Variants in STXBP5L observed in about 807,000 individuals in gnomAD.
STXBP5L encodes the protein syntaxin-binding protein 5-like.
Under a neutral mutation model 144.5 loss-of-function variants are expected in STXBP5L, and 65 were observed. The ratio of observed to expected loss-of-function variants is 0.45; its 90% CI spans 0.37 to 0.55. The LOEUF (loss-of-function observed/expected upper bound fraction) is 0.55, where lower values mean the gene tolerates loss of function less well. Among genes scored for constraint, STXBP5L ranks in the 20% least tolerant of loss-of-function variants. STXBP5L has a pLI of 0.00. For missense variants in STXBP5L, 1,298 were observed against 1,405.5 expected (o/e 0.92, Z 1.22); for synonymous variants, 505 against 469.6 (o/e 1.08, Z -0.97).
chr3:121,174,242 A>G (rs1005637471), intron 9 of STXBP5L, among the ~76,000 whole-genome samples: 1 of 152,160 alleles, frequency 6.6e-6, no homozygotes, highest in African/African-American at 2.4e-5. Flanking sequence ...ATTTGTGTAT[A>G]TAAGTTTTAA....
intron 9 of STXBP5L, among the ~76,000 whole-genome samples, chr3:121,202,922 T>G (rs933415912): frequency 6.6e-6 from 1 of 152,088 alleles, no homozygotes; most frequent in African/African-American, 2.4e-5. Flanking sequence ...AATGTTTTTT[T>G]CAAATTTAGG....
intron 5 of STXBP5L, among the ~76,000 whole-genome samples, chr3:121,088,453 A>G (rs2042606513): frequency 9.7e-6 from 1 of 102,898 alleles, no homozygotes; most frequent in Non-Finnish European, 1.9e-5. Context: ...CAGGTGCTGG[A>G]GAGGATGTGG....
chr3:121,391,104 C>T (rs2046572507), intron 22 of STXBP5L, among the ~76,000 whole-genome samples: 1 of 152,078 alleles, frequency 6.6e-6, no homozygotes, highest in South Asian at 2.1e-4. Flanking sequence ...CTTTCTCTAC[C>T]TTGTTTTCTC....
intron 5 of STXBP5L, among the ~76,000 whole-genome samples, chr3:121,093,016 G>T (rs184744454): frequency 4.0e-4 from 61 of 152,230 alleles, no homozygotes; most frequent in Middle Eastern, 3.4e-3. Context: ...CTTTTCTGCA[G>T]CTATTGAGAT....
At chr3:121,332,669 A>G (rs1159859491) in intron 20 of STXBP5L, among the ~76,000 whole-genome samples, 2 of 152,120 alleles carry the variant, frequency 1.3e-5, no homozygotes, top group Admixed American at 6.6e-5. Flanking sequence ...GAAGAAGAAG[A>G]AAAACCAAAA....
chr3:121,347,086 G>T (rs1344939914), intron 20 of STXBP5L, among the ~76,000 whole-genome samples: 2 of 152,126 alleles, frequency 1.3e-5, no homozygotes, highest in Non-Finnish European at 2.9e-5. Flanking sequence ...ATGGTTTTAG[G>T]TCTAACATTT....
chr3:120,909,998 A>C (rs1708747644), intron 2 of STXBP5L, among the ~76,000 whole-genome samples: 1 of 152,234 alleles, frequency 6.6e-6, no homozygotes, highest in Admixed American at 6.5e-5. Context: ...TAGAATTTGC[A>C]AGATAATGTT....
intron 9 of STXBP5L, among the ~76,000 whole-genome samples, chr3:121,192,827 C>T (rs190521373): frequency 6.9e-4 from 105 of 152,114 alleles, no homozygotes; most frequent in African/African-American, 1.6e-3. Flanking sequence ...TAATTCAAGA[C>T]GGATTAAAGA....
At chr3:121,253,158 C>T (rs1423893378) in intron 15 of STXBP5L, among the ~76,000 whole-genome samples, 1 of 151,892 alleles carries the variant, frequency 6.6e-6, no homozygotes, top group Non-Finnish European at 1.5e-5. Flanking sequence ...CCTATCTGAC[C>T]TCAGAAGCCA....
At position 121,270,555 on chromosome 3, in the gene STXBP5L, C is replaced by G. The variant is rs2050706094; in HGVS notation, c.1959-9250C>G. ...GCAACCTTCACCTCCTGGGTTCAGGCAATTCTCATGCCTCAGCCTCCTGAG... is the reference window on the plus strand; with the variant it reads ...GCAACCTTCACCTCCTGGGTTCAGGGAATTCTCATGCCTCAGCCTCCTGAG... On this transcript the variant is annotated intron_variant, in intron 18 of 26. Coordinates refer to ENST00000471454, the MANE Select transcript of STXBP5L (RefSeq NM_001308330.2). Among the ~76,000 whole-genome samples, 8 of 152,044 alleles carry G rather than the reference C, an allele frequency of 5.3e-5. No individual in the cohort carries two copies. In the South Asian group the frequency reaches 1.7e-3, roughly 32 times the overall value.
intron 13 of STXBP5L, 51 bp downstream of exon 13, chr3:121,239,169 A>T (rs2049583956): frequency 5.4e-6 from 6 of 1,104,234 alleles, no homozygotes; most frequent in Non-Finnish European, 7.6e-6. Context: ...TCACATGATC[A>T]TACTTTTTTC....
intron 19 of STXBP5L, among the ~76,000 whole-genome samples, chr3:121,314,584 GGAGGGA>G (rs201065950): frequency 0.8 from 102,765 of 129,178 alleles, 41,467 homozygotes; most frequent in Middle Eastern, 0.86. Context: ...GGGAGACCGT[GGAGGGA>G]GAGGGAGAGG....
chr3:121,283,882 TTTGTGTGTGTGC>T (rs1453026768), intron 19 of STXBP5L, among the ~76,000 whole-genome samples: 16 of 144,746 alleles, frequency 1.1e-4, no homozygotes, highest in African/African-American at 3.2e-4. Context: ...ATCTCCTACA[TTTGTGTGTGTGC>T]TTGTGTGTGT....
chr3:121,367,748 G>T (rs897300280), intron 20 of STXBP5L, among the ~76,000 whole-genome samples: 2 of 143,776 alleles, frequency 1.4e-5, no homozygotes, highest in Non-Finnish European at 3.0e-5. Context: ...AGCTGGGACT[G>T]TAGGCATTTG....
At chr3:120,965,279 A>AT (rs1455574237) in intron 3 of STXBP5L, among the ~76,000 whole-genome samples, 3 of 152,160 alleles carry the variant, frequency 2.0e-5, no homozygotes, top group Non-Finnish European at 1.5e-5. Context: ...GCCCATTTAC[A>AT]TTTAAGGTTA....
chr3:121,090,363 C>A (rs1453542534), intron 5 of STXBP5L, among the ~76,000 whole-genome samples: 1 of 152,126 alleles, frequency 6.6e-6, no homozygotes, highest in Non-Finnish European at 1.5e-5. Flanking sequence ...TCCACTATGC[C>A]TCCTCTTTTA....
intron 5 of STXBP5L, among the ~76,000 whole-genome samples, chr3:121,080,245 A>G (rs922780774): frequency 2.6e-5 from 4 of 152,154 alleles, no homozygotes; most frequent in South Asian, 4.1e-4. Flanking sequence ...CTTGAAGACA[A>G]CAGATATTGG....
At chr3:120,998,043 T>TA (rs1943488503) in intron 3 of STXBP5L, among the ~76,000 whole-genome samples, 1 of 152,172 alleles carries the variant, frequency 6.6e-6, no homozygotes, top group African/African-American at 2.4e-5. Context: ...CCCTTCATGT[T>TA]AAAAACCCTC....
intron 20 of STXBP5L, among the ~76,000 whole-genome samples, chr3:121,373,254 G>C (rs1485481582): frequency 2.0e-5 from 3 of 152,250 alleles, no homozygotes; most frequent in African/African-American, 7.2e-5. Flanking sequence ...CAATGCAGGA[G>C]AAACGGTAAG....
Sources: allele counts gnomAD v4.1 joint callset (sites outside exome capture counted in the v4.1 genomes callset), GRCh38; gene constraint gnomAD v4.1.1; transcripts MANE v1.5; gene names NCBI Gene and HGNC (gene_info 2026-07-23, HGNC 2026-07-21).